The following CSMD1 variants were observed in gnomAD, a reference collection of about 807,000 sequenced individuals.
The protein encoded by CSMD1 is CUB and sushi domain-containing protein 1.
A neutral mutation model predicts 417.5 loss-of-function variants in CSMD1; 213 were observed. The observed-to-expected ratio is 0.51, with a 90% CI of 0.46 to 0.57. The LOEUF (loss-of-function observed/expected upper bound fraction) is 0.57. CSMD1 is among the 20% of genes least tolerant of loss of function. The pLI is 0.00. For missense variants in CSMD1, 6,923 were observed against 4,529.7 expected (o/e 1.53, Z -15.17); for synonymous variants, 2,862 against 1,736.8 (o/e 1.65, Z -16.11).
chr8:4,050,909 G>C (rs73658554), intron 3 of CSMD1, among the ~76,000 whole-genome samples: 2 of 152,004 alleles, frequency 1.3e-5, no homozygotes, highest in African/African-American at 2.4e-5. Context: ...ACCTTTACGT[G>C]AGTCTTGAAG....
At chr8:4,466,237 C>A (rs527427932) in intron 2 of CSMD1, among the ~76,000 whole-genome samples, 1 of 152,020 alleles carries the variant, frequency 6.6e-6, no homozygotes, top group East Asian at 1.9e-4. Flanking sequence ...TCCTGGCTAT[C>A]CTTCCCAGAT....
chr8:3,536,022 T>A (rs181632957), intron 10 of CSMD1, among the ~76,000 whole-genome samples: 12 of 152,214 alleles, frequency 7.9e-5, no homozygotes, highest in African/African-American at 2.9e-4. Context: ...AGTGACCTCC[T>A]CAAGCCAGCG....
chr8:3,637,538 G>C (rs1051865766), intron 7 of CSMD1, among the ~76,000 whole-genome samples: 7 of 152,208 alleles, frequency 4.6e-5, no homozygotes, highest in East Asian at 1.9e-4. Context: ...AAGTATACAA[G>C]AAATAGTTTG....
At chr8:3,688,802 T>C (rs1472478514) in intron 7 of CSMD1, among the ~76,000 whole-genome samples, 1 of 152,116 alleles carries the variant, frequency 6.6e-6, no homozygotes, top group Admixed American at 6.6e-5. Context: ...TGTAATACTA[T>C]AGTAAATAAA....
At chr8:3,228,555 A>G (rs1334337056) in intron 27 of CSMD1, among the ~76,000 whole-genome samples, 39 of 152,192 alleles carry the variant, frequency 2.6e-4, no homozygotes. Context: ...GTATTTATTT[A>G]CCTTTTGGTG....
intron 3 of CSMD1, among the ~76,000 whole-genome samples, chr8:4,141,512 T>C (rs1208053258): frequency 1.3e-5 from 2 of 151,172 alleles, no homozygotes; most frequent in Non-Finnish European, 2.9e-5. Flanking sequence ...CTGAGAGTTA[T>C]TCGCTACATT....
At chr8:3,080,657 G>A (rs1357987890) in intron 49 of CSMD1, among the ~76,000 whole-genome samples, 2 of 152,178 alleles carry the variant, frequency 1.3e-5, no homozygotes, top group Admixed American at 1.3e-4. Context: ...GGTTTGGAGT[G>A]GGTGCCTCCC....
intron 7 of CSMD1, among the ~76,000 whole-genome samples, chr8:3,659,019 G>A (rs1798271475): frequency 6.6e-6 from 1 of 152,128 alleles, no homozygotes; most frequent in South Asian, 2.1e-4. Context: ...GGTCCTCAGA[G>A]CAGTGTCATT....
At chr8:3,755,230 G>C (rs779807325) in intron 5 of CSMD1, among the ~76,000 whole-genome samples, 1 of 152,166 alleles carries the variant, frequency 6.6e-6, no homozygotes, top group Non-Finnish European at 1.5e-5. Flanking sequence ...TTGCGTGCTG[G>C]CTCGACTTTG....
chr8:4,487,278 C>T (rs1428406975), intron 2 of CSMD1, among the ~76,000 whole-genome samples: 1 of 152,056 alleles, frequency 6.6e-6, no homozygotes. Context: ...CCCATTAACT[C>T]GTCATTTAGC....
At chr8:3,247,864 G>T (rs1217448741) in intron 26 of CSMD1, among the ~76,000 whole-genome samples, 1 of 152,172 alleles carries the variant, frequency 6.6e-6, no homozygotes, top group Admixed American at 6.5e-5. Context: ...TTCACAAGGG[G>T]GGAGCAGGAT....
intron 11 of CSMD1, among the ~76,000 whole-genome samples, chr8:3,469,461 A>T (rs542368697): frequency 7.9e-5 from 12 of 152,328 alleles, no homozygotes; most frequent in African/African-American, 2.9e-4. Context: ...GTCACACCAA[A>T]TGTGAGTTTC....
intron 4 of CSMD1, among the ~76,000 whole-genome samples, chr8:4,017,482 T>C (rs951793393): frequency 6.6e-6 from 1 of 152,120 alleles, no homozygotes; most frequent in Non-Finnish European, 1.5e-5. Context: ...AATTTTGTTT[T>C]TTTAGTAGAG....
chr8:4,607,815 T>A (rs1800960522), intron 2 of CSMD1, among the ~76,000 whole-genome samples: 1 of 152,170 alleles, frequency 6.6e-6, no homozygotes, highest in Admixed American at 6.5e-5. Context: ...ACTTTTCCCT[T>A]TGCAATAAAT....
intron 30 of CSMD1, among the ~76,000 whole-genome samples, chr8:3,210,830 T>C (rs1206233368): frequency 6.6e-6 from 1 of 151,878 alleles, no homozygotes; most frequent in African/African-American, 2.4e-5. Flanking sequence ...TCAACTGTAA[T>C]TGAATTTAAT....
At chr8:3,307,207 C>G (rs993806383) in intron 25 of CSMD1, among the ~76,000 whole-genome samples, 2 of 152,018 alleles carry the variant, frequency 1.3e-5, no homozygotes, top group African/African-American at 4.8e-5. Flanking sequence ...AATGTAAGCA[C>G]AAGTTGGAAA....
chr8:4,045,410 G>T (rs766177616), intron 3 of CSMD1, among the ~76,000 whole-genome samples: 7 of 152,178 alleles, frequency 4.6e-5, no homozygotes, highest in Non-Finnish European at 1.0e-4. Context: ...GATCATCAAT[G>T]ACAAGTGGCC....
intron 26 of CSMD1, among the ~76,000 whole-genome samples, chr8:3,236,947 G>A (rs1585744592): frequency 6.6e-6 from 1 of 151,930 alleles, no homozygotes; most frequent in East Asian, 1.9e-4. Flanking sequence ...CTTTCCACAG[G>A]CCCATTGGCC....
At chr8:4,025,400 C>G (rs1014225126) in intron 4 of CSMD1, among the ~76,000 whole-genome samples, 5 of 152,184 alleles carry the variant, frequency 3.3e-5, no homozygotes, top group Non-Finnish European at 7.3e-5. Context: ...AATTTATAAT[C>G]TATCCTAGGC....
Sources: allele counts gnomAD v4.1 joint callset (sites outside exome capture counted in the v4.1 genomes callset), GRCh38; gene constraint gnomAD v4.1.1; transcripts MANE v1.5; gene names NCBI Gene and HGNC (gene_info 2026-07-23, HGNC 2026-07-21).